The following FOXP1 variants were observed in gnomAD, a reference collection of about 807,000 sequenced individuals.
The protein encoded by FOXP1 is forkhead box protein P1.
A neutral mutation model predicts 98.2 loss-of-function variants in FOXP1; 15 were observed. The observed-to-expected ratio is 0.15, with a 90% confidence interval of 0.10 to 0.24. FOXP1 has a LOEUF of 0.24. FOXP1 is among the 10% of genes least tolerant of loss of function. FOXP1 has a pLI of 1.00. For missense variants in FOXP1, 633 were observed against 848.5 expected (o/e 0.75, Z 3.15); for synonymous variants, 371 against 314.5 (o/e 1.18, Z -1.90).
intron 3 of FOXP1, among the ~76,000 whole-genome samples, chr3:71,470,421 T>G (rs573434558): frequency 6.6e-6 from 1 of 152,322 alleles, no homozygotes; most frequent in East Asian, 1.9e-4. Context: ...ATGACTTGAG[T>G]CAAATCCTAA....
chr3:71,332,163 C>A (rs1005116451), intron 4 of FOXP1: 1 of 152,372 alleles, frequency 6.6e-6, no homozygotes, highest in Admixed American at 6.5e-5. Flanking sequence ...CTCTTTGGGT[C>A]CACACTGCCT....
chr3:70,987,332 G>A (rs1559648925), intron 14 of FOXP1, among the ~76,000 whole-genome samples: 1 of 152,148 alleles, frequency 6.6e-6, no homozygotes, highest in East Asian at 1.9e-4. Context: ...AGCCTGTGCT[G>A]GGATGACACC....
intron 3 of FOXP1, among the ~76,000 whole-genome samples, chr3:71,396,592 A>G (rs2081388065): frequency 6.6e-6 from 1 of 152,082 alleles, no homozygotes; most frequent in Admixed American, 6.6e-5. Context: ...AGCTAAGATC[A>G]GGCCTAAAGC....
chr3:71,232,877 CA>C lies in FOXP1; in HGVS notation c.-11-34486del, dbSNP rs59404230. On this transcript the variant is annotated intron_variant, in intron 5 of 20. Coordinates refer to ENST00000649528, the MANE Select transcript of FOXP1 (RefSeq NM_001349338.3). The stretch of plus-strand genomic sequence containing the variant: ...CGTGCCACAGAGCAAAACTCTGTCT[CA>C]AAAAAAAAAAAAAAAAAAGCAAGAA... 1.3e-3 allele frequency among the ~76,000 whole-genome samples: 41 copies of C among 31,420 alleles called. 1 individual carries two copies. The highest frequency in any genetic ancestry group is 6.7e-3 in the East Asian group (5 of 748). 20.6% of individuals were successfully genotyped at this position (31,420 alleles called of 152,430 possible). A position where few individuals can be genotyped will look rare whatever the true frequency, so the allele number is the denominator to read the frequency against.
intron 5 of FOXP1, among the ~76,000 whole-genome samples, chr3:71,237,928 A>T (rs1352943441): frequency 6.6e-6 from 1 of 152,218 alleles, no homozygotes; most frequent in African/African-American, 2.4e-5. Flanking sequence ...GAAGGGGAGA[A>T]GGAAGAGAAG....
intron 12 of FOXP1, among the ~76,000 whole-genome samples, chr3:71,001,783 A>T (rs1359844327): frequency 6.6e-6 from 1 of 152,196 alleles, no homozygotes; most frequent in African/African-American, 2.4e-5. Flanking sequence ...AATTTCAATC[A>T]GTTTTAGCAT....
At chr3:70,976,624 T>C (rs1328157193) in intron 17 of FOXP1, among the ~76,000 whole-genome samples, 4 of 152,182 alleles carry the variant, frequency 2.6e-5, no homozygotes, top group Non-Finnish European at 5.9e-5. Context: ...GGCATGAGGT[T>C]TGTGCAAGTA....
intron 2 of FOXP1, among the ~76,000 whole-genome samples, chr3:71,494,921 A>G (rs903969028): frequency 6.6e-6 from 1 of 152,026 alleles, no homozygotes; most frequent in Non-Finnish European, 1.5e-5. Context: ...CACATAGAAA[A>G]AAAAAAAAAG....
At chr3:70,981,223 C>T (rs998790785) in intron 14 of FOXP1, among the ~76,000 whole-genome samples, 4 of 79,778 alleles carry the variant, frequency 5.0e-5, no homozygotes, top group African/African-American at 1.3e-4. Context: ...AAAAAAGCAA[C>T]AGCGAAAAAT....
intron 7 of FOXP1, among the ~76,000 whole-genome samples, chr3:71,095,512 T>A (rs1437214502): frequency 1.3e-5 from 2 of 152,204 alleles, no homozygotes; most frequent in African/African-American, 4.8e-5. Flanking sequence ...GTCTTCCTAG[T>A]TCCACACTGG....
rs568900584 is a variant in FOXP1 at position 70,955,983 on chromosome 3, A to G, written c.*3264T>C. The G allele has an allele frequency of 1.1e-4, 25 of 233,292 alleles. No homozygotes were observed. Among genetic ancestry groups the G allele is most frequent in the African/African-American group, 5.1e-4 (23 of 45,474 alleles). The allele number at this position is 233,292 out of a possible 1,614,324, so 14.5% of individuals were successfully genotyped here. ...CCCACATGTCAGGAAATGTCATCCA[A>G]TATTCTTAAAGCAAGGATAACTAAA... On this transcript the variant is annotated 3_prime_UTR_variant, in exon 21 of 21. Coordinates refer to ENST00000649528, the MANE Select transcript of FOXP1 (RefSeq NM_001349338.3).
At chr3:71,232,059 C>T (rs534736765) in intron 5 of FOXP1, among the ~76,000 whole-genome samples, 1 of 152,340 alleles carries the variant, frequency 6.6e-6, no homozygotes, top group South Asian at 2.1e-4. Flanking sequence ...TTGTCTGTCT[C>T]TCTTGTCAGG....
intron 3 of FOXP1, among the ~76,000 whole-genome samples, chr3:71,381,905 T>G (rs1184508598): frequency 6.6e-6 from 1 of 152,226 alleles, no homozygotes; most frequent in Non-Finnish European, 1.5e-5. Context: ...TTAAAATGTT[T>G]ATGACCAAAA....
At chr3:70,984,472 G>C (rs1221841476) in intron 14 of FOXP1, among the ~76,000 whole-genome samples, 1 of 152,202 alleles carries the variant, frequency 6.6e-6, no homozygotes, top group Non-Finnish European at 1.5e-5. Flanking sequence ...CACGGAAAGT[G>C]AGACTGTGTG....
At chr3:71,517,541 C>T (rs1189974763) in intron 2 of FOXP1, among the ~76,000 whole-genome samples, 1 of 152,182 alleles carries the variant, frequency 6.6e-6, no homozygotes, top group Non-Finnish European at 1.5e-5. Context: ...AGCAACTTGA[C>T]CAATCAACTC....
intron 3 of FOXP1, among the ~76,000 whole-genome samples, chr3:71,362,323 T>C (rs1014627190): frequency 6.6e-6 from 1 of 151,998 alleles, no homozygotes; most frequent in African/African-American, 2.4e-5. Context: ...AGGTGCCCAC[T>C]GTAATGCCCA....
At chr3:71,558,411 G>A (rs770866423) in intron 2 of FOXP1, among the ~76,000 whole-genome samples, 21 of 152,270 alleles carry the variant, frequency 1.4e-4, no homozygotes, top group Middle Eastern at 6.8e-3. Context: ...TAAGCAATTC[G>A]GGCTAAGATG....
chr3:71,482,464 G>A (rs1247188137), intron 3 of FOXP1, among the ~76,000 whole-genome samples: 1 of 150,902 alleles, frequency 6.6e-6, no homozygotes, highest in Non-Finnish European at 1.5e-5. Context: ...GGCCTCCTGG[G>A]TTCAAGCAAT....
chr3:71,128,001 G>A (rs1228699992), intron 6 of FOXP1, among the ~76,000 whole-genome samples: 2 of 152,166 alleles, frequency 1.3e-5, no homozygotes, highest in Non-Finnish European at 2.9e-5. Context: ...AGCCTCTGCT[G>A]CACCGTTCCC....
Sources: gnomAD v4.1 joint callset for allele counts (sites outside exome capture counted in the v4.1 genomes callset) on GRCh38, gnomAD v4.1.1 for gene constraint, MANE v1.5 for transcripts, NCBI Gene and HGNC (gene_info 2026-07-23, HGNC 2026-07-21) for gene names.